DAB1: variants seen among roughly 807,000 people sequenced by gnomAD.
The protein encoded by DAB1 is DAB adaptor protein 1, also known as disabled homolog 1.
In DAB1, 15 loss-of-function variants were observed where a neutral mutation model predicts 64.6. That is an observed-to-expected ratio of 0.23 (90% CI 0.16 to 0.36). DAB1 has a LOEUF of 0.36. Ranked by LOEUF, DAB1 falls within the 10% of genes least tolerant of loss-of-function variation. DAB1 has a pLI of 1.00. For missense variants in DAB1, 596 were observed against 706.7 expected (o/e 0.84, Z 1.78); for synonymous variants, 235 against 251.9 (o/e 0.93, Z 0.64).
chr1:58,322,409 C>G (rs1048503877), intron 4 of DAB1, among the ~76,000 whole-genome samples: 1 of 152,006 alleles, frequency 6.6e-6, no homozygotes, highest in Admixed American at 6.5e-5. Context: ...AACAAAAAAC[C>G]CCATCAAAAA....
chr1:57,370,159 C>A (rs1340982361), intron 1 of DAB1, among the ~76,000 whole-genome samples: 1 of 152,188 alleles, frequency 6.6e-6, no homozygotes, highest in Non-Finnish European at 1.5e-5. Flanking sequence ...GTTTCTCAGT[C>A]TCCTCACTAA....
At chr1:57,769,063 C>A (rs930536002) in intron 6 of DAB1, among the ~76,000 whole-genome samples, 7 of 152,124 alleles carry the variant, frequency 4.6e-5, no homozygotes, top group Non-Finnish European at 8.8e-5. Context: ...CCATTTCCAG[C>A]AGGAGCACCT....
chr1:57,710,716 T>TA (rs1433721051), intron 6 of DAB1, among the ~76,000 whole-genome samples: 3 of 152,122 alleles, frequency 2.0e-5, no homozygotes, highest in Non-Finnish European at 4.4e-5. Context: ...GTGCACTCAG[T>TA]CTTTCATGCA....
At position 57,224,596 on chromosome 1, in the gene DAB1, C is replaced by T. The variant is rs375646563; in HGVS notation, c.67+66368G>A. ...GTCATATCAAAGTTTCTGTGTTCCT[C>T]TGAACAGCATCTCCCTTTGGGGAAG... On this transcript the variant is annotated intron_variant, in intron 2 of 14. Transcript: ENST00000371236. Among the ~76,000 whole-genome samples, 9 of 152,360 alleles carry T rather than the reference C, an allele frequency of 5.9e-5. No homozygotes were observed. The South Asian group carries it at 1.7e-3, about 28-fold the overall frequency.
intron 4 of DAB1, among the ~76,000 whole-genome samples, chr1:58,300,764 T>A (rs138769626): frequency 2.6e-4 from 39 of 150,792 alleles, no homozygotes; most frequent in African/African-American, 9.3e-4. Context: ...TTCCTTGGGG[T>A]CACTGAGATG....
intron 5 of DAB1, among the ~76,000 whole-genome samples, chr1:58,028,339 TC>T (rs1646924613): frequency 6.6e-6 from 1 of 152,234 alleles, no homozygotes; most frequent in Non-Finnish European, 1.5e-5. Context: ...TTTTGTTGAT[TC>T]ATTAACATTG....
At chr1:57,031,096 T>A (rs1646952868) in intron 9 of DAB1, among the ~76,000 whole-genome samples, 1 of 152,254 alleles carries the variant, frequency 6.6e-6, no homozygotes, top group African/African-American at 2.4e-5. Flanking sequence ...ACTTTCCTTT[T>A]GCCAGATGAT....
At chr1:57,621,454 T>C (rs1223326329) in intron 7 of DAB1, among the ~76,000 whole-genome samples, 3 of 152,022 alleles carry the variant, frequency 2.0e-5, no homozygotes, top group East Asian at 1.9e-4. Context: ...CTACCCTCTA[T>C]CTTTACTTCT....
At chr1:58,300,672 GGA>G (rs1662147625) in intron 4 of DAB1, among the ~76,000 whole-genome samples, 12 of 135,626 alleles carry the variant, frequency 8.8e-5, no homozygotes, top group African/African-American at 3.6e-4. Flanking sequence ...AAGGAAGGAA[GGA>G]AGGAAGGAAG....
At chr1:57,226,672 A>AAATATATATATATAT (rs747021990) in intron 2 of DAB1, among the ~76,000 whole-genome samples, 1 of 135,998 alleles carries the variant, frequency 7.4e-6, no homozygotes, top group South Asian at 2.2e-4. Flanking sequence ...TTAAAAAAAA[A>AAATATATATATATAT]ATATATATAT....
chr1:57,292,556 C>A (rs1344586486), intron 1 of DAB1, among the ~76,000 whole-genome samples: 1 of 152,094 alleles, frequency 6.6e-6, no homozygotes, highest in Non-Finnish European at 1.5e-5. Context: ...CTTTCCAGAC[C>A]CTCGTCTCTA....
intron 5 of DAB1, among the ~76,000 whole-genome samples, chr1:58,100,117 A>C (rs1651226089): frequency 6.6e-6 from 1 of 152,202 alleles, no homozygotes; most frequent in African/African-American, 2.4e-5. Flanking sequence ...CATTTTAACA[A>C]ATTTTAAATA....
intron 5 of DAB1, among the ~76,000 whole-genome samples, chr1:57,893,787 G>C (rs2101985628): frequency 6.6e-6 from 1 of 152,168 alleles, no homozygotes; most frequent in African/African-American, 2.4e-5. Flanking sequence ...AATAATAATT[G>C]GTTGCAGCCA....
intron 6 of DAB1, among the ~76,000 whole-genome samples, chr1:57,667,970 C>T (rs1033530372): frequency 4.6e-5 from 7 of 151,948 alleles, no homozygotes; most frequent in Middle Eastern, 3.4e-3. Flanking sequence ...GTGCAGCAAA[C>T]CACCATGTCA....
At chr1:58,167,959 G>C (rs1655955123) in intron 4 of DAB1, among the ~76,000 whole-genome samples, 1 of 152,194 alleles carries the variant, frequency 6.6e-6, no homozygotes, top group Admixed American at 6.5e-5. Context: ...AAGTCAGCGA[G>C]ACAAAGAACC....
At chr1:58,317,497 C>T (rs1222504047) in intron 4 of DAB1, among the ~76,000 whole-genome samples, 1 of 152,222 alleles carries the variant, frequency 6.6e-6, no homozygotes, top group African/African-American at 2.4e-5. Context: ...AGAGATTCAA[C>T]TGGCTTGAAG....
rs72920635 is a variant in DAB1 at position 57,915,944 on chromosome 1, A to C, written n.388-31782T>G. Reference sequence around the variant, plus strand: ...TCTCCAAGGAGAAGAATTTTAGGTGAGCGCTTCAATGTCCCTAAAATAGGG... The same window carrying C: ...TCTCCAAGGAGAAGAATTTTAGGTGCGCGCTTCAATGTCCCTAAAATAGGG... On this transcript the variant is annotated intron_variant and non_coding_transcript_variant, in intron 5 of 20. Transcript: ENST00000485760. Among the ~76,000 whole-genome samples the C allele has an allele frequency of 5.6e-3, 852 of 152,252 alleles. 5 individuals are homozygous for C. Among genetic ancestry groups the C allele is most frequent in the African/African-American group, 0.018 (768 of 41,550 alleles).
chr1:58,248,422 T>C (rs750611223), intron 4 of DAB1, among the ~76,000 whole-genome samples: 1 of 152,168 alleles, frequency 6.6e-6, no homozygotes. Flanking sequence ...GTCAGGTCAC[T>C]GGTGGAGAGA....
chr1:57,965,069 T>TGGAACATTCATGTGTGAAGAATGGAA (rs1645628418), intron 5 of DAB1, among the ~76,000 whole-genome samples: 1 of 152,120 alleles, frequency 6.6e-6, no homozygotes, highest in Non-Finnish European at 1.5e-5. Context: ...GAAGAATGGA[T>TGGAACATTCATGTGTGAAGAATGGAA]GGCAAAGAGA....
Sources: allele counts gnomAD v4.1 joint callset (sites outside exome capture counted in the v4.1 genomes callset), GRCh38; gene constraint gnomAD v4.1.1; transcripts MANE v1.5; gene names NCBI Gene and HGNC (gene_info 2026-07-23, HGNC 2026-07-21).